GRIP1: variants seen among roughly 807,000 people sequenced by gnomAD.
GRIP1 encodes the protein glutamate receptor-interacting protein 1.
A neutral mutation model predicts 129.9 loss-of-function variants in GRIP1; 45 were observed. That is an observed-to-expected ratio of 0.35 (90% CI 0.27 to 0.44). The LOEUF is 0.44. Among genes scored for constraint, GRIP1 ranks in the 20% least tolerant of loss-of-function variants. The pLI is 1.00. For missense variants in GRIP1, 1,196 were observed against 1,396.8 expected (o/e 0.86, Z 2.29); for synonymous variants, 530 against 520.8 (o/e 1.02, Z -0.24).
chr12:66,795,357 G>C (rs6581717), intron 1 of GRIP1, among the ~76,000 whole-genome samples: 5 of 151,900 alleles, frequency 3.3e-5, no homozygotes, highest in African/African-American at 9.7e-5. Context: ...TGAAAATTCA[G>C]GAACCACATA....
At chr12:66,942,220 T>G (rs1375278148) in intron 1 of GRIP1, among the ~76,000 whole-genome samples, 1 of 152,250 alleles carries the variant, frequency 6.6e-6, no homozygotes, top group African/African-American at 2.4e-5. Flanking sequence ...CACTAGCGGA[T>G]CAGGGATGAA....
chr12:67,037,149 A>C (rs2043108720), intron 1 of GRIP1, among the ~76,000 whole-genome samples: 1 of 151,946 alleles, frequency 6.6e-6, no homozygotes, highest in Non-Finnish European at 1.5e-5. Context: ...TAACACGGTG[A>C]AACACCTTCT....
At chr12:66,517,251 G>A (rs1188169313) in intron 6 of GRIP1, among the ~76,000 whole-genome samples, 2 of 152,082 alleles carry the variant, frequency 1.3e-5, no homozygotes, top group Non-Finnish European at 2.9e-5. Context: ...TATCTCCAGA[G>A]ACACCTAAGT....
At chr12:66,840,646 T>A (rs1385971836) in intron 1 of GRIP1, among the ~76,000 whole-genome samples, 1 of 152,194 alleles carries the variant, frequency 6.6e-6, no homozygotes, top group Non-Finnish European at 1.5e-5. Context: ...CTGAAATACC[T>A]AAGATTTTCA....
chr12:67,063,757 A>T (rs1255756294), intron 1 of GRIP1, among the ~76,000 whole-genome samples: 1 of 152,222 alleles, frequency 6.6e-6, no homozygotes, highest in Non-Finnish European at 1.5e-5. Context: ...TCTTTTACTA[A>T]TATCAGTTGA....
At chr12:66,790,899 C>T (rs908813911) in intron 1 of GRIP1, among the ~76,000 whole-genome samples, 13 of 151,756 alleles carry the variant, frequency 8.6e-5, no homozygotes, top group South Asian at 4.2e-4. Flanking sequence ...GGGGAAGGAG[C>T]GGGAGGAAGG....
chr12:66,510,730 T>C (rs1459630366), intron 7 of GRIP1, among the ~76,000 whole-genome samples: 2 of 152,154 alleles, frequency 1.3e-5, no homozygotes, highest in African/African-American at 4.8e-5. Context: ...AATAAATATA[T>C]CTGACTCCAG....
intron 1 of GRIP1, among the ~76,000 whole-genome samples, chr12:66,839,737 C>T (rs1043838877): frequency 6.6e-6 from 1 of 152,154 alleles, no homozygotes; most frequent in South Asian, 2.1e-4. Context: ...TTTATGAGAA[C>T]AGGTATCCTA....
At chr12:66,558,227 A>G (rs2139373112) in intron 2 of GRIP1, among the ~76,000 whole-genome samples, 1 of 152,298 alleles carries the variant, frequency 6.6e-6, no homozygotes, top group South Asian at 2.1e-4. Flanking sequence ...AAAGGAAAAG[A>G]GGTTTAATGG....
chr12:66,850,078 G>A (rs1389635965), intron 1 of GRIP1, among the ~76,000 whole-genome samples: 1 of 152,036 alleles, frequency 6.6e-6, no homozygotes, highest in African/African-American at 2.4e-5. Flanking sequence ...TTATAACCCA[G>A]AGCACATATA....
chr12:66,917,975 C>T (rs201717738), intron 1 of GRIP1, among the ~76,000 whole-genome samples: 3 of 147,830 alleles, frequency 2.0e-5, no homozygotes, highest in East Asian at 4.1e-4. Context: ...CACACACACA[C>T]GGAGAGAGAG....
intron 1 of GRIP1, among the ~76,000 whole-genome samples, chr12:66,835,673 A>G (rs2039600115): frequency 6.6e-6 from 1 of 152,366 alleles, no homozygotes; most frequent in South Asian, 2.1e-4. Flanking sequence ...ATACCATATG[A>G]TTCAAACTGC....
At chr12:66,355,110 G>A (rs2054417700) in intron 23 of GRIP1, among the ~76,000 whole-genome samples, 1 of 152,124 alleles carries the variant, frequency 6.6e-6, no homozygotes, top group Non-Finnish European at 1.5e-5. Flanking sequence ...CCACCCTCAG[G>A]AGCCGGTGAA....
intron 1 of GRIP1, among the ~76,000 whole-genome samples, chr12:66,780,104 TA>T (rs1027797547): frequency 6.6e-6 from 1 of 152,046 alleles, no homozygotes; most frequent in African/African-American, 2.4e-5. Flanking sequence ...AGTCCCCACA[TA>T]AAAACAGAGC....
At chr12:66,821,134 T>G (rs1053347302) in intron 1 of GRIP1, among the ~76,000 whole-genome samples, 6 of 152,186 alleles carry the variant, frequency 3.9e-5, no homozygotes, top group Non-Finnish European at 8.8e-5. Context: ...ACTCTGTGCT[T>G]TCTGATCAAT....
At chr12:66,689,718 A>G (rs940960008) in intron 1 of GRIP1, among the ~76,000 whole-genome samples, 1 of 152,052 alleles carries the variant, frequency 6.6e-6, no homozygotes, top group Non-Finnish European at 1.5e-5. Flanking sequence ...TTTCAAGTAA[A>G]CAATACAGTA....
chr12:66,954,806 T>C lies in GRIP1; in HGVS notation c.58+114244A>G, dbSNP rs141117306. Among the ~76,000 whole-genome samples, 62 of 151,976 alleles carry C rather than the reference T, an allele frequency of 4.1e-4. No homozygotes were observed. In the East Asian group the frequency reaches 8.3e-3, roughly 20 times the overall value. On this transcript the variant is annotated intron_variant, in intron 1 of 1. Transcript: ENST00000643019. ...ACATTTAAAAAGCACATAATGAATA[T>C]ATAAAATATATAATTTATTAGAAGG...
chr12:66,456,125 G>A, intron 10 of GRIP1, 62 bp downstream of exon 10: 1 of 1,011,022 alleles, frequency 9.9e-7, no homozygotes, highest in Non-Finnish European at 1.4e-6. Flanking sequence ...GATGAGAAAA[G>A]GAGAGTGTGA....
intron 1 of GRIP1, among the ~76,000 whole-genome samples, chr12:66,685,042 G>A (rs976559855): frequency 1.3e-5 from 2 of 151,908 alleles, no homozygotes; most frequent in African/African-American, 4.8e-5. Context: ...TCTTTCTTAA[G>A]CTCACCTTTA....
Sources: gnomAD v4.1 joint callset for allele counts (sites outside exome capture counted in the v4.1 genomes callset) on GRCh38, gnomAD v4.1.1 for gene constraint, MANE v1.5 for transcripts, NCBI Gene and HGNC (gene_info 2026-07-23, HGNC 2026-07-21) for gene names.